SLC2A13: variants seen among roughly 807,000 people sequenced by gnomAD.
The protein encoded by SLC2A13 is solute carrier family 2 member 13, also known as proton myo-inositol cotransporter.
In SLC2A13, 32 loss-of-function variants were observed where a neutral mutation model predicts 64.4. The observed-to-expected ratio is 0.50, with a 90% CI of 0.37 to 0.67. SLC2A13 has a LOEUF of 0.67. Ranked by LOEUF, SLC2A13 falls within the 30% of genes least tolerant of loss-of-function variation. The pLI is 0.00. For synonymous variants in SLC2A13, 338 were observed against 327.1 expected (o/e 1.03, Z -0.36); for missense variants, 743 against 829.2 (o/e 0.90, Z 1.28).
At chr12:39,878,807 A>G (rs1289852998) in intron 4 of SLC2A13, among the ~76,000 whole-genome samples, 1 of 152,262 alleles carries the variant, frequency 6.6e-6, no homozygotes, top group South Asian at 2.1e-4. Context: ...AGAAATTTGC[A>G]TAACTAAAAG....
intron 9 of SLC2A13, among the ~76,000 whole-genome samples, chr12:39,761,821 A>T (rs1369372902): frequency 6.6e-6 from 1 of 152,094 alleles, no homozygotes; most frequent in East Asian, 1.9e-4. Context: ...AAACTACAAA[A>T]TCTGTAACAG....
At chr12:39,760,976 A>ACACACACACACACACACACACACACACCC (rs1236073642) in intron 9 of SLC2A13, among the ~76,000 whole-genome samples, 1 of 150,146 alleles carries the variant, frequency 6.7e-6, no homozygotes, top group Non-Finnish European at 1.5e-5. Flanking sequence ...ACACACACAT[A>ACACACACACACACACACACACACACACCC]ATTGAATTGC....
At chr12:39,966,004 C>T (rs913734779) in intron 3 of SLC2A13, among the ~76,000 whole-genome samples, 6 of 151,744 alleles carry the variant, frequency 4.0e-5, no homozygotes, top group African/African-American at 1.5e-4. Context: ...GGATGCGGGG[C>T]TTGACTGTCC....
chr12:39,873,824 T>C (rs1329467316), intron 4 of SLC2A13, among the ~76,000 whole-genome samples: 1 of 152,242 alleles, frequency 6.6e-6, no homozygotes, highest in Admixed American at 6.5e-5. Context: ...ACTTAAGTTA[T>C]AGAGTCAGAA....
rs73278616 is a variant in SLC2A13, at chr12:39,911,580, C to T, written c.1035-39619G>A. Among the ~76,000 whole-genome samples, 1,137 of 152,204 alleles carry T rather than the reference C, an allele frequency of 7.5e-3. 23 individuals are homozygous for T. The highest frequency in any genetic ancestry group is 0.026 in the African/African-American group (1,082 of 41,470). The stretch of plus-strand genomic sequence containing the variant: ...TTGTTTCAGCCTGCAACTGACATTG[C>T]TTTCAATGTAAGTACAGTACCCCAA... On this transcript the variant is annotated intron_variant, in intron 4 of 9. Coordinates refer to ENST00000280871, the MANE Select transcript of SLC2A13 (RefSeq NM_052885.4).
intron 3 of SLC2A13, among the ~76,000 whole-genome samples, chr12:39,966,123 G>T (rs1021226525): frequency 9.3e-5 from 13 of 139,070 alleles, no homozygotes; most frequent in African/African-American, 2.5e-4. Flanking sequence ...AGATGTGTGT[G>T]TGTATATATA....
intron 7 of SLC2A13, among the ~76,000 whole-genome samples, chr12:39,789,279 G>T (rs1431001928): frequency 6.6e-6 from 1 of 151,568 alleles, no homozygotes; most frequent in Non-Finnish European, 1.5e-5. Context: ...ACTTGGTTGT[G>T]CCTGTTTTTG....
intron 6 of SLC2A13, among the ~76,000 whole-genome samples, chr12:39,846,421 C>T (rs981497632): frequency 2.0e-5 from 3 of 152,106 alleles, no homozygotes; most frequent in Non-Finnish European, 4.4e-5. Flanking sequence ...CTGCTGTCCG[C>T]TAAACCATAT....
At chr12:39,883,783 C>T (rs936904199) in intron 4 of SLC2A13, among the ~76,000 whole-genome samples, 7 of 152,274 alleles carry the variant, frequency 4.6e-5, no homozygotes, top group Middle Eastern at 6.8e-3. Context: ...TAGTTTTATG[C>T]ACATTATTTA....
intron 3 of SLC2A13, among the ~76,000 whole-genome samples, chr12:40,026,173 C>T (rs1947802168): frequency 6.6e-6 from 1 of 152,138 alleles, no homozygotes; most frequent in African/African-American, 2.4e-5. Flanking sequence ...TTAAATTAAG[C>T]AAGATGATAT....
At chr12:39,995,901 C>A (rs1408609644) in intron 3 of SLC2A13, among the ~76,000 whole-genome samples, 4 of 152,240 alleles carry the variant, frequency 2.6e-5, no homozygotes, top group African/African-American at 9.6e-5. Context: ...CTGCCTTCTG[C>A]TATGATTGTG....
chr12:39,818,421 T>C (rs1455679781), intron 7 of SLC2A13, among the ~76,000 whole-genome samples: 2 of 152,234 alleles, frequency 1.3e-5, no homozygotes, highest in Non-Finnish European at 1.5e-5. Flanking sequence ...AGATAGGATC[T>C]CTTATCAATC....
chr12:39,897,920 A>T (rs992024962), intron 4 of SLC2A13, among the ~76,000 whole-genome samples: 2 of 152,132 alleles, frequency 1.3e-5, no homozygotes, highest in African/African-American at 2.4e-5. Context: ...TCTATGAAAT[A>T]TAAGAATTTT....
chr12:40,097,453 C>T (rs1938987127), intron 1 of SLC2A13, among the ~76,000 whole-genome samples: 1 of 152,068 alleles, frequency 6.6e-6, no homozygotes, highest in African/African-American at 2.4e-5. Context: ...TGAAAGAAAA[C>T]ATTTGCAAAT....
Sources: allele counts gnomAD v4.1 joint callset (sites outside exome capture counted in the v4.1 genomes callset), GRCh38; gene constraint gnomAD v4.1.1; transcripts MANE v1.5; gene names NCBI Gene and HGNC (gene_info 2026-07-23, HGNC 2026-07-21).